The following EPHA10 variants were observed in gnomAD, a reference collection of about 807,000 sequenced individuals.
The protein encoded by EPHA10 is EPH receptor A10.
In EPHA10, 120 loss-of-function variants were observed where a neutral mutation model predicts 109.7. The observed-to-expected ratio is 1.09, with a 90% confidence interval of 0.94 to 1.27. EPHA10 has a LOEUF of 1.27. EPHA10 is among the 50% of genes most tolerant of loss of function. EPHA10 has a pLI of 0.00. For synonymous variants in EPHA10, 640 were observed against 618.9 expected, an observed-to-expected ratio of 1.03 and a Z score of -0.51; for missense variants, 1,396 against 1,411.1, an observed-to-expected ratio of 0.99 and a Z score of 0.17.
intron 8 of EPHA10, among the ~76,000 whole-genome samples, chr1:37,725,964 C>T (rs150891753): frequency 6.6e-6 from 1 of 152,208 alleles, no homozygotes; most frequent in East Asian, 1.9e-4. Context: ...CCTCTCTACC[C>T]CTCCACACTA....
At chr1:37,735,478 T>C in intron 5 of EPHA10, 88 bp from the exon 6 acceptor site, 10 of 1,473,432 alleles carry the variant, frequency 6.8e-6, no homozygotes, top group East Asian at 2.5e-5. Flanking sequence ...CGTGCGGGGC[T>C]GTGGGACCGG....
intron 8 of EPHA10, among the ~76,000 whole-genome samples, chr1:37,723,764 A>G (rs1198373286): frequency 2.0e-5 from 3 of 152,162 alleles, no homozygotes; most frequent in African/African-American, 7.2e-5. Context: ...GAAAACAAAC[A>G]TGGAGAGTTA....
intron 5 of EPHA10, among the ~76,000 whole-genome samples, chr1:37,748,568 ACACT>A: frequency 6.6e-6 from 1 of 152,170 alleles, no homozygotes; most frequent in Non-Finnish European, 1.5e-5. Context: ...ACATTACAAA[ACACT>A]AATCTCTCTT....
Position 37,718,197 on chromosome 1 carries a change from A to C in EPHA10, c.*175T>G. ...TAGCCAAGGCGTTCAGACTCGTGAA[A>C]ATGGGAGGGGCAGGCAGTGAAAGCG... is the stretch of plus-strand genomic sequence containing the variant. On this transcript the variant is annotated 3_prime_UTR_variant, in exon 17 of 17. Coordinates refer to ENST00000373048, the MANE Select transcript of EPHA10 (RefSeq NM_001099439.2). The C allele has an allele frequency of 1.6e-6, 1 of 619,762 alleles. No homozygotes were observed. Among genetic ancestry groups the C allele is most frequent in the Non-Finnish European group, 2.9e-6 (1 of 349,390 alleles). The allele number at this position is 619,762 out of a possible 1,614,324, so 38.4% of individuals were successfully genotyped here.
intron 5 of EPHA10, among the ~76,000 whole-genome samples, chr1:37,743,788 G>A (rs1408120757): frequency 6.6e-6 from 1 of 152,154 alleles, no homozygotes; most frequent in East Asian, 1.9e-4. Flanking sequence ...TATCTGGCAG[G>A]CTAGGTGCAT....
intron 5 of EPHA10, among the ~76,000 whole-genome samples, chr1:37,739,691 A>G (rs1435472311): frequency 1.0e-5 from 1 of 98,574 alleles, no homozygotes; most frequent in Non-Finnish European, 2.3e-5. Context: ...CCTGTCTCAA[A>G]AAAAAAAAAA....
At position 37,716,217 on chromosome 1, in the gene EPHA10, G is replaced by T; in HGVS notation, c.*2155C>A. The stretch of plus-strand genomic sequence containing the variant: ...AGGGCTGAGGCCTGGGACCCAACAG[G>T]ATTCTGGGACCTCACTCCTCAGTGG... On this transcript the variant is annotated 3_prime_UTR_variant, in exon 17 of 17. Transcript: ENST00000373048. 3.2e-6 allele frequency: 1 copy of T among 316,216 alleles called. No individual in the cohort carries two copies. The highest frequency in any genetic ancestry group is 5.9e-6 in the Non-Finnish European group (1 of 168,304). The allele number at this position is 316,216 out of a possible 1,614,324, so 19.6% of individuals were successfully genotyped here.
At chr1:37,763,236 A>G (rs1259742707) in intron 1 of EPHA10, among the ~76,000 whole-genome samples, 4 of 152,110 alleles carry the variant, frequency 2.6e-5, no homozygotes, top group Non-Finnish European at 4.4e-5. Context: ...GGGAGAACTC[A>G]TGTCCTTACC....
intron 3 of EPHA10, among the ~76,000 whole-genome samples, chr1:37,755,423 G>C (rs1337024648): frequency 6.6e-6 from 1 of 152,160 alleles, no homozygotes; most frequent in Non-Finnish European, 1.5e-5. Context: ...GTGGAGGGGG[G>C]TGGGTGGAGA....
At position 37,718,208 on chromosome 1, in the gene EPHA10, C is replaced by T; in HGVS notation, c.*164G>A. 1.6e-6 allele frequency: 1 copy of T among 635,784 alleles called. No individual in the cohort carries two copies. The highest frequency in any genetic ancestry group is 2.8e-6 in the Non-Finnish European group (1 of 360,134). The allele number at this position is 635,784 out of a possible 1,614,324, so 39.4% of individuals were successfully genotyped here. On this transcript the variant is annotated 3_prime_UTR_variant, in exon 17 of 17. Coordinates refer to ENST00000373048, the MANE Select transcript of EPHA10 (RefSeq NM_001099439.2). ...TTCAGACTCGTGAAAATGGGAGGGGCAGGCAGTGAAAGCGGGGAAGCTGTG... is the reference window on the plus strand; with the variant it reads ...TTCAGACTCGTGAAAATGGGAGGGGTAGGCAGTGAAAGCGGGGAAGCTGTG...
chr1:37,758,114 G>A (rs1245464466), intron 3 of EPHA10, among the ~76,000 whole-genome samples: 2 of 152,118 alleles, frequency 1.3e-5, no homozygotes, highest in Non-Finnish European at 2.9e-5. Context: ...GGCAATAAGG[G>A]CACAAACTAT....
At chr1:37,753,325 T>C in intron 4 of EPHA10, 99 bp from the exon 5 acceptor site, 1 of 824,266 alleles carries the variant, frequency 1.2e-6, no homozygotes, top group Non-Finnish European at 1.6e-6. Context: ...CCACCCCCAG[T>C]GAGGCAGGAG....
At chr1:37,730,655 G>A (rs1270851977) in intron 7 of EPHA10, among the ~76,000 whole-genome samples, 6 of 151,956 alleles carry the variant, frequency 3.9e-5, no homozygotes, top group Non-Finnish European at 7.4e-5. Flanking sequence ...TTGAGATATC[G>A]TTCGCATACC....
chr1:37,722,654 C>T (rs1027805231), intron 10 of EPHA10, among the ~76,000 whole-genome samples: 17 of 152,296 alleles, frequency 1.1e-4, no homozygotes, highest in Admixed American at 7.2e-4. Flanking sequence ...CTGAGCAAAA[C>T]AGGGCCATGA....
At chr1:37,728,099 C>T (rs752442245) in intron 7 of EPHA10, among the ~76,000 whole-genome samples, 5 of 152,172 alleles carry the variant, frequency 3.3e-5, no homozygotes, top group Non-Finnish European at 7.3e-5. Flanking sequence ...AAAAAAGGTG[C>T]CATCTGAACT....
At chr1:37,740,920 T>C (rs1646143631) in intron 5 of EPHA10, among the ~76,000 whole-genome samples, 1 of 152,060 alleles carries the variant, frequency 6.6e-6, no homozygotes, top group African/African-American at 2.4e-5. Context: ...TTTTAGGGAA[T>C]AAGCCTGAGA....
chr1:37,744,784 T>A (rs1287917400), intron 5 of EPHA10, among the ~76,000 whole-genome samples: 1 of 152,010 alleles, frequency 6.6e-6, no homozygotes, highest in African/African-American at 2.4e-5. Context: ...TTTGTATGGG[T>A]TAAATTGTGT....
intron 6 of EPHA10, 78 bp downstream of exon 6, chr1:37,735,179 G>C: frequency 1.2e-5 from 18 of 1,530,960 alleles, no homozygotes; most frequent in East Asian, 2.5e-5. Flanking sequence ...CTTTTGCTGG[G>C]AGGATGGCCT....
chr1:37,720,058 T>G lies in EPHA10; in HGVS notation c.2413A>C (p.Ser805Arg). Reference sequence around the variant, plus strand: ...GCCCATAGCGCTGGGCTCCGGCCACTCTGTAGGGGCAGGCAGGTCAGGGGC... The same window carrying G: ...GCCCATAGCGCTGGGCTCCGGCCACGCTGTAGGGGCAGGCAGGTCAGGGGC... ...DRSEAVYTTM[S>R]GRSPALWAAP... The change falls in exon 14 of 17, where the codon AGT becomes CGT. Residue 805 changes from serine to arginine, a missense_variant and splice_region_variant. Physicochemically the swap from Ser to Arg is moderately radical, Grantham distance 110. Coordinates refer to ENST00000373048, the MANE Select transcript of EPHA10 (RefSeq NM_001099439.2). 6.2e-7 allele frequency: 1 copy of G among 1,613,352 alleles called. No homozygotes were observed. Among genetic ancestry groups the G allele is most frequent in the Non-Finnish European group, 8.5e-7 (1 of 1,179,974 alleles).
Sources: gnomAD v4.1 joint callset for allele counts (sites outside exome capture counted in the v4.1 genomes callset) on GRCh38, gnomAD v4.1.1 for gene constraint, MANE v1.5 for transcripts, NCBI Gene and HGNC (gene_info 2026-07-23, HGNC 2026-07-21) for gene names.